Variants in GABRG3 observed in about 807,000 individuals in gnomAD.
The protein encoded by GABRG3 is gamma-aminobutyric acid receptor subunit gamma-3.
In GABRG3, 25 loss-of-function variants were observed where a neutral mutation model predicts 48.8. The observed-to-expected ratio is 0.51, with a 90% confidence interval of 0.37 to 0.72. GABRG3 has a LOEUF of 0.72. Among genes scored for constraint, GABRG3 ranks in the 30% least tolerant of loss-of-function variants. The pLI is 0.00. For missense variants in GABRG3, 394 were observed against 577.9 expected (o/e 0.68, Z 3.26); for synonymous variants, 227 against 217.6 (o/e 1.04, Z -0.38).
At chr15:27,382,791 G>C (rs149165736) in intron 5 of GABRG3, among the ~76,000 whole-genome samples, 1 of 152,230 alleles carries the variant, frequency 6.6e-6, no homozygotes, top group Non-Finnish European at 1.5e-5. Context: ...AGGAGTCATA[G>C]TATCAAGTTG....
At chr15:27,337,662 C>G (rs1372253481) in intron 5 of GABRG3, among the ~76,000 whole-genome samples, 1 of 152,178 alleles carries the variant, frequency 6.6e-6, no homozygotes, top group Non-Finnish European at 1.5e-5. Flanking sequence ...GTTCTTCATT[C>G]CTCTTTTCCC....
chr15:27,034,393 T>TA, intron 3 of GABRG3, among the ~76,000 whole-genome samples: 1 of 152,244 alleles, frequency 6.6e-6, no homozygotes, highest in South Asian at 2.1e-4. Context: ...TTGTTTTATT[T>TA]AAAAAAAGAA....
intron 5 of GABRG3, among the ~76,000 whole-genome samples, chr15:27,336,093 G>T (rs1044010659): frequency 6.6e-6 from 1 of 152,032 alleles, no homozygotes; most frequent in African/African-American, 2.4e-5. Context: ...GAAGGCTGAG[G>T]CAGGATAATC....
chr15:27,130,983 A>G (rs770711876), intron 3 of GABRG3, among the ~76,000 whole-genome samples: 1 of 152,054 alleles, frequency 6.6e-6, no homozygotes, highest in African/African-American at 2.4e-5. Flanking sequence ...GTCTGTGAAA[A>G]GAGATAATTT....
At chr15:27,379,054 G>T (rs1595714689) in intron 5 of GABRG3, among the ~76,000 whole-genome samples, 1 of 152,280 alleles carries the variant, frequency 6.6e-6, no homozygotes, top group Middle Eastern at 3.4e-3. Flanking sequence ...TACTGTGTTT[G>T]TTTCTAAATA....
Position 27,120,470 on chromosome 15 carries a change from TCTC to T in GABRG3, c.270+93650_270+93652del, listed in dbSNP as rs550909681. On this transcript the variant is annotated intron_variant, in intron 3 of 9. Transcript: ENST00000615808. ...AGGGATGCATACTCTTGTTGACTGT[TCTC>T]ATTGCTTGTGGAATTCTGGCTATTG... Among the ~76,000 whole-genome samples the T allele has an allele frequency of 5.6e-3, 846 of 152,342 alleles. 3 individuals are homozygous for T. Among genetic ancestry groups the T allele is most frequent in the South Asian group, 1.0e-2 (48 of 4,822 alleles).
At chr15:27,346,500 G>A (rs1224810592) in intron 5 of GABRG3, among the ~76,000 whole-genome samples, 2 of 151,982 alleles carry the variant, frequency 1.3e-5, no homozygotes, top group Non-Finnish European at 2.9e-5. Flanking sequence ...AATTTTGGAA[G>A]GTTCTTGGCC....
At chr15:27,255,355 A>G (rs1483736383) in intron 3 of GABRG3, among the ~76,000 whole-genome samples, 1 of 152,198 alleles carries the variant, frequency 6.6e-6, no homozygotes, top group East Asian at 1.9e-4. Context: ...ATTCTCTAAC[A>G]GACTTTCCTG....
intron 6 of GABRG3, among the ~76,000 whole-genome samples, chr15:27,491,430 G>A (rs1488022086): frequency 5.9e-5 from 9 of 152,288 alleles, no homozygotes; most frequent in African/African-American, 1.9e-4. Context: ...ACAACTCAAA[G>A]TTTACATCTT....
At chr15:27,213,288 G>A (rs6422905) in intron 3 of GABRG3, among the ~76,000 whole-genome samples, 89,970 of 152,058 alleles carry the variant, frequency 0.59, 27,274 homozygotes, top group East Asian at 0.82. Flanking sequence ...TCAAAATACA[G>A]TTACCACCAA....
intron 3 of GABRG3, chr15:27,271,593 G>GAGTC (rs61549890): frequency 8.8e-6 from 4 of 454,994 alleles, no homozygotes; most frequent in East Asian, 7.0e-5. Context: ...ATGCAACCTA[G>GAGTC]AGTCAGTCAG....
chr15:27,407,870 C>G (rs922044318), intron 5 of GABRG3, among the ~76,000 whole-genome samples: 7 of 152,298 alleles, frequency 4.6e-5, no homozygotes, highest in African/African-American at 1.4e-4. Flanking sequence ...TGAAACTACT[C>G]TGTACGATAT....
At chr15:27,250,833 C>A (rs917729141) in intron 3 of GABRG3, among the ~76,000 whole-genome samples, 5 of 152,164 alleles carry the variant, frequency 3.3e-5, no homozygotes, top group African/African-American at 1.2e-4. Flanking sequence ...CTGAGGCCAC[C>A]AGGGTGGCAA....
chr15:27,083,415 C>G (rs1897023331), intron 3 of GABRG3, among the ~76,000 whole-genome samples: 1 of 150,306 alleles, frequency 6.7e-6, no homozygotes, highest in South Asian at 2.1e-4. Flanking sequence ...TCACTGCAAC[C>G]TCCGCCACCC....
rs954575801 is a variant in GABRG3, at chr15:27,352,373, A to G, written c.574+23485A>G. Among the ~76,000 whole-genome samples, 1 of 152,028 alleles carries G rather than the reference A, an allele frequency of 6.6e-6. No homozygotes were observed. The highest frequency in any genetic ancestry group is 1.5e-5 in the Non-Finnish European group (1 of 68,008). The stretch of plus-strand genomic sequence containing the variant: ...GGGGTGATGGGGTGGGATCTCTGCC[A>G]ATTTCTCTTATTCCGTTAGCTGAAG... On this transcript the variant is annotated intron_variant, in intron 5 of 9. Coordinates refer to ENST00000615808, the MANE Select transcript of GABRG3 (RefSeq NM_033223.5). This position sits in a 1 kb window ranked among gnomAD's most constrained non-coding sequence, Gnocchi z 4.0.
intron 3 of GABRG3, among the ~76,000 whole-genome samples, chr15:27,058,557 A>G (rs1896591709): frequency 6.6e-6 from 1 of 151,836 alleles, no homozygotes; most frequent in Non-Finnish European, 1.5e-5. Context: ...TAATTTATAA[A>G]TTCCCAACTG....
chr15:27,258,430 A>AT (rs1890683933), intron 3 of GABRG3, among the ~76,000 whole-genome samples: 1 of 152,070 alleles, frequency 6.6e-6, no homozygotes, highest in Non-Finnish European at 1.5e-5. Context: ...CCCATGCAGC[A>AT]TGCGGGACCA....
chr15:27,414,372 C>T (rs75919851), intron 5 of GABRG3, among the ~76,000 whole-genome samples: 1,730 of 152,140 alleles, frequency 0.011, 32 homozygotes, highest in African/African-American at 0.04. Flanking sequence ...TCTAGTGAGC[C>T]GTGGCTTTCT....
At chr15:27,387,307 A>G (rs1451347288) in intron 5 of GABRG3, among the ~76,000 whole-genome samples, 1 of 151,884 alleles carries the variant, frequency 6.6e-6, no homozygotes, top group Non-Finnish European at 1.5e-5. Flanking sequence ...CATTTTGAGT[A>G]TGAAATTATG....
Sources: allele counts gnomAD v4.1 joint callset (sites outside exome capture counted in the v4.1 genomes callset), GRCh38; gene constraint gnomAD v4.1.1; non-coding constraint Gnocchi (gnomAD v3.1); transcripts MANE v1.5; gene names NCBI Gene and HGNC (gene_info 2026-07-23, HGNC 2026-07-21).